Variants in NALF1 observed in about 807,000 individuals in gnomAD.
NALF1 encodes the protein NALCN channel auxiliary factor 1.
In NALF1, 3 loss-of-function variants were observed where a neutral mutation model predicts 48.4. The observed-to-expected ratio is 0.06, with a 90% CI of 0.03 to 0.16. The LOEUF is 0.16. NALF1 is among the 10% of genes least tolerant of loss of function. NALF1 has a pLI of 1.00. For missense variants in NALF1, 526 were observed against 571.5 expected, an observed-to-expected ratio of 0.92 and a Z score of 0.81; for synonymous variants, 262 against 245.7, an observed-to-expected ratio of 1.07 and a Z score of -0.62.
At chr13:107,635,815 T>C (rs889549346) in intron 1 of NALF1, among the ~76,000 whole-genome samples, 1 of 152,122 alleles carries the variant, frequency 6.6e-6, no homozygotes, top group African/African-American at 2.4e-5. Flanking sequence ...AACCTACTAG[T>C]TGCACAGTTA....
intron 1 of NALF1, among the ~76,000 whole-genome samples, chr13:107,493,706 G>C (rs1875225191): frequency 6.6e-6 from 1 of 151,998 alleles, no homozygotes; most frequent in African/African-American, 2.4e-5. Context: ...GTGAAATCAT[G>C]TCTGTAAAAA....
chr13:107,762,573 C>G (rs1037488004), intron 1 of NALF1, among the ~76,000 whole-genome samples: 15 of 151,906 alleles, frequency 9.9e-5, no homozygotes, highest in Admixed American at 9.8e-4. Flanking sequence ...GGAGGTAAGG[C>G]GGAAGGCAGG....
intron 1 of NALF1, among the ~76,000 whole-genome samples, chr13:107,765,854 CCTA>C (rs1877404262): frequency 6.6e-6 from 1 of 152,048 alleles, no homozygotes; most frequent in Non-Finnish European, 1.5e-5. Context: ...TTAGAAAACG[CCTA>C]CTATTAAACT....
At chr13:107,254,975 T>G (rs1382425220) in intron 1 of NALF1, among the ~76,000 whole-genome samples, 1 of 152,248 alleles carries the variant, frequency 6.6e-6, no homozygotes, top group Non-Finnish European at 1.5e-5. Flanking sequence ...TGTTTATTTT[T>G]TAAACAATAT....
intron 1 of NALF1, among the ~76,000 whole-genome samples, chr13:107,468,214 C>T (rs1233388853): frequency 4.6e-5 from 7 of 152,054 alleles, no homozygotes; most frequent in African/African-American, 7.2e-5. Flanking sequence ...AAAATTGTAG[C>T]GGTTATTGCT....
chr13:107,386,701 C>G (rs1883536865), intron 1 of NALF1, among the ~76,000 whole-genome samples: 3 of 152,290 alleles, frequency 2.0e-5, no homozygotes, highest in South Asian at 4.1e-4. Context: ...GACACTGTCA[C>G]AAATATGGCC....
At chr13:107,818,020 A>G (rs1879222240) in intron 1 of NALF1, among the ~76,000 whole-genome samples, 1 of 152,228 alleles carries the variant, frequency 6.6e-6, no homozygotes, top group Non-Finnish European at 1.5e-5. Context: ...AGAAACAGAC[A>G]TGAAATAAAA....
intron 1 of NALF1, among the ~76,000 whole-genome samples, chr13:107,595,396 A>T (rs976135127): frequency 6.6e-6 from 1 of 152,132 alleles, no homozygotes; most frequent in African/African-American, 2.4e-5. Flanking sequence ...AAAATTGTTA[A>T]AAGAGAGTAT....
At chr13:107,821,116 A>T (rs1355948987) in intron 1 of NALF1, among the ~76,000 whole-genome samples, 1 of 152,014 alleles carries the variant, frequency 6.6e-6, no homozygotes, top group Non-Finnish European at 1.5e-5. Flanking sequence ...GACTGAAAGT[A>T]TTTCAGTGCT....
At chr13:107,348,847 A>G (rs2138942691) in intron 1 of NALF1, among the ~76,000 whole-genome samples, 1 of 152,370 alleles carries the variant, frequency 6.6e-6, no homozygotes, top group African/African-American at 2.4e-5. Context: ...CTACAATTCA[A>G]CCATAACACC....
Position 107,839,229 on chromosome 13 carries a change from C to A in NALF1, c.915+26453G>T, listed in dbSNP as rs74498359. 6.6e-3 allele frequency among the ~76,000 whole-genome samples: 1,007 copies of A among 151,810 alleles called. 10 individuals are homozygous for A. Among genetic ancestry groups the A allele is most frequent in the African/African-American group, 0.023 (964 of 41,354 alleles). ...ATGCAGATGAAGCCATCTTCCTGCTCCTATTCCAGTCACACCATGTAAAAT... is the reference window on the plus strand; with the variant it reads ...ATGCAGATGAAGCCATCTTCCTGCTACTATTCCAGTCACACCATGTAAAAT... On this transcript the variant is annotated intron_variant, in intron 1 of 2. Transcript: ENST00000375915.
At chr13:107,660,477 ACAC>A (rs374300557) in intron 1 of NALF1, among the ~76,000 whole-genome samples, 20,851 of 121,240 alleles carry the variant, frequency 0.17, 1,875 homozygotes, top group Middle Eastern at 0.33. Flanking sequence ...ACACACACAC[ACAC>A]ACACAACAAA....
intron 1 of NALF1, among the ~76,000 whole-genome samples, chr13:107,665,265 G>A (rs1056464264): frequency 6.6e-6 from 1 of 152,054 alleles, no homozygotes; most frequent in Non-Finnish European, 1.5e-5. Flanking sequence ...AATATTTAAA[G>A]GGAGCTTTAA....
At chr13:107,342,094 C>A (rs1382087178) in intron 1 of NALF1, among the ~76,000 whole-genome samples, 1 of 152,058 alleles carries the variant, frequency 6.6e-6, no homozygotes, top group Non-Finnish European at 1.5e-5. Flanking sequence ...TAGATTTTGC[C>A]ATAATTGGTC....
At chr13:107,753,073 C>G (rs1040995532) in intron 1 of NALF1, among the ~76,000 whole-genome samples, 3 of 152,174 alleles carry the variant, frequency 2.0e-5, no homozygotes, top group Non-Finnish European at 4.4e-5. Context: ...GTGTCTTACA[C>G]AGAGGAAAGG....
chr13:107,542,203 T>C lies in NALF1; in HGVS notation c.915+323479A>G, dbSNP rs369092248. Among the ~76,000 whole-genome samples, 6 of 152,130 alleles carry C rather than the reference T, an allele frequency of 3.9e-5. No individual in the cohort carries two copies. The East Asian group carries it at 9.7e-4, about 24-fold the overall frequency. On this transcript the variant is annotated intron_variant, in intron 1 of 2. Transcript: ENST00000375915. ...ACCACCTGGATGAACTTGGGAAGCATTGTGCTAAGTGAAAGAAACAAGACA... is the reference window on the plus strand; with the variant it reads ...ACCACCTGGATGAACTTGGGAAGCACTGTGCTAAGTGAAAGAAACAAGACA...
In NALF1 at chr13:107,591,965, TG is replaced by T. The variant is rs1566406403; in HGVS notation, c.915+273716del. On this transcript the variant is annotated intron_variant, in intron 1 of 2. Transcript: ENST00000375915. ...GATTTCAAATATTTACCTAACCACG[TG>T]CAAAAATTTTACTCAGATGACACTT... Among the ~76,000 whole-genome samples the T allele has an allele frequency of 2.0e-5, 3 of 152,004 alleles. No homozygotes were observed. The South Asian group carries it at 6.2e-4, about 31-fold the overall frequency.
intron 2 of NALF1, among the ~76,000 whole-genome samples, chr13:107,186,558 G>A (rs1321399952): frequency 6.6e-6 from 1 of 152,034 alleles, no homozygotes; most frequent in African/African-American, 2.4e-5. Flanking sequence ...AGTAGAGATG[G>A]GGTTTCACCA....
chr13:107,599,151 G>A (rs117228820), intron 1 of NALF1, among the ~76,000 whole-genome samples: 1 of 152,216 alleles, frequency 6.6e-6, no homozygotes, highest in Non-Finnish European at 1.5e-5. Context: ...ACCATCTCTA[G>A]GGATGTGCCT....
Sources: allele counts gnomAD v4.1 joint callset (sites outside exome capture counted in the v4.1 genomes callset), GRCh38; gene constraint gnomAD v4.1.1; transcripts MANE v1.5; gene names NCBI Gene and HGNC (gene_info 2026-07-23, HGNC 2026-07-21).